The following ABCA13 variants were observed in gnomAD, a reference collection of about 807,000 sequenced individuals.
ABCA13 encodes the protein ATP-binding cassette sub-family A member 13.
A neutral mutation model predicts 478.7 loss-of-function variants in ABCA13; 476 were observed. The ratio of observed to expected loss-of-function variants is 0.99; its 90% CI spans 0.92 to 1.07. ABCA13 has a LOEUF of 1.07. Ranked by LOEUF, ABCA13 falls within the 50% of genes least tolerant of loss-of-function variation. The pLI, the probability that ABCA13 is intolerant of heterozygous loss-of-function variation, is 0.00. For synonymous variants in ABCA13, 2,252 were observed against 2,158.9 expected (o/e 1.04, Z -1.20); for missense variants, 6,060 against 5,910.6 (o/e 1.03, Z -0.83).
At chr7:48,320,788 G>A (rs17661678) in intron 27 of ABCA13, among the ~76,000 whole-genome samples, 2,751 of 152,248 alleles carry the variant, frequency 0.018, 122 homozygotes, top group East Asian at 0.17. Context: ...TCTAAGGGAC[G>A]TATAAGCCCA....
intron 53 of ABCA13, 31 bp from the exon 54 acceptor site, chr7:48,524,217 G>T (rs770219022): frequency 1.5e-5 from 24 of 1,588,202 alleles, no homozygotes; most frequent in Admixed American, 1.7e-5. Flanking sequence ...CATTTGCTAG[G>T]TGTGAATTCA....
intron 59 of ABCA13, among the ~76,000 whole-genome samples, chr7:48,620,674 ATAGT>A (rs1317791507): frequency 2.0e-5 from 3 of 152,174 alleles, no homozygotes; most frequent in African/African-American, 2.4e-5. Flanking sequence ...AGTTACAATA[ATAGT>A]TAGACCAGAT....
chr7:48,413,686 G>T (rs368911572), intron 41 of ABCA13, among the ~76,000 whole-genome samples: 6 of 152,186 alleles, frequency 3.9e-5, no homozygotes, highest in South Asian at 2.1e-4. Context: ...AGGAGGAAAG[G>T]CAATCTTTTG....
chr7:48,225,228 C>A (rs998410146), intron 5 of ABCA13, among the ~76,000 whole-genome samples: 1 of 140,570 alleles, frequency 7.1e-6, no homozygotes, highest in Non-Finnish European at 1.6e-5. Flanking sequence ...TTCCCTCCCT[C>A]CCTCCCTCCC....
chr7:48,539,799 A>T (rs189537587), intron 55 of ABCA13, among the ~76,000 whole-genome samples: 1 of 152,342 alleles, frequency 6.6e-6, no homozygotes, highest in African/African-American at 2.4e-5. Flanking sequence ...CCTTGTGCAG[A>T]AACAGACATG....
chr7:48,576,767 C>G (rs565615866), intron 55 of ABCA13, among the ~76,000 whole-genome samples: 1 of 152,126 alleles, frequency 6.6e-6, no homozygotes, highest in African/African-American at 2.4e-5. Context: ...GAACTAACAC[C>G]ACTGAGACAG....
intron 47 of ABCA13, among the ~76,000 whole-genome samples, chr7:48,487,834 A>G (rs1264876697): frequency 6.6e-6 from 1 of 152,262 alleles, no homozygotes; most frequent in Admixed American, 6.5e-5. Context: ...AAAGGGTGAC[A>G]GTACAGAGTT....
chr7:48,506,798 A>G (rs370740242), intron 49 of ABCA13, among the ~76,000 whole-genome samples: 1 of 152,076 alleles, frequency 6.6e-6, no homozygotes, highest in Non-Finnish European at 1.5e-5. Context: ...CCAGATGGAG[A>G]CATGGGTGGG....
At chr7:48,615,241 T>A (rs1422739147) in intron 58 of ABCA13, 44 bp from the exon 59 acceptor site, 6 of 1,367,630 alleles carry the variant, frequency 4.4e-6, no homozygotes, top group Non-Finnish European at 5.8e-6. Flanking sequence ...AACCCTCCCC[T>A]CTTCAGGAAA....
At chr7:48,505,032 A>T (rs1481863568) in intron 48 of ABCA13, among the ~76,000 whole-genome samples, 2 of 152,210 alleles carry the variant, frequency 1.3e-5, no homozygotes, top group African/African-American at 4.8e-5. Flanking sequence ...TCCAGGATCC[A>T]GGAAGCGATG....
At position 48,349,660 on chromosome 7, in the gene ABCA13, G is replaced by A. The variant is rs191824054; in HGVS notation, c.10205-983G>A. Among the ~76,000 whole-genome samples, 3 of 152,312 alleles carry A rather than the reference G, an allele frequency of 2.0e-5. No homozygotes were observed. In the East Asian group the frequency reaches 5.8e-4, roughly 29 times the overall value. ...ATCTGGGAGCAGGGAAACCAGTAGA[G>A]GAGGGAAGCAAGCATGAGAGGCAGA... On this transcript the variant is annotated intron_variant, in intron 29 of 61. Transcript: ENST00000435803.
At chr7:48,343,329 C>A (rs1414791358) in intron 29 of ABCA13, among the ~76,000 whole-genome samples, 1 of 152,078 alleles carries the variant, frequency 6.6e-6, no homozygotes, top group Non-Finnish European at 1.5e-5. Context: ...TAGACTTCAG[C>A]CTTAGTAGGG....
At chr7:48,414,558 AT>A (rs1263832432) in intron 41 of ABCA13, among the ~76,000 whole-genome samples, 2 of 149,974 alleles carry the variant, frequency 1.3e-5, no homozygotes, top group African/African-American at 4.9e-5. Context: ...ATTACACATA[AT>A]ATACATATGT....
chr7:48,577,218 A>G (rs1235786701), intron 55 of ABCA13, among the ~76,000 whole-genome samples: 2 of 151,976 alleles, frequency 1.3e-5, no homozygotes, highest in African/African-American at 2.4e-5. Context: ...AAGAAAAGAA[A>G]TGATAAAAAT....
intron 35 of ABCA13, among the ~76,000 whole-genome samples, chr7:48,380,876 G>T (rs1225093381): frequency 6.6e-6 from 1 of 152,074 alleles, no homozygotes; most frequent in Non-Finnish European, 1.5e-5. Flanking sequence ...CCTACCACCT[G>T]CTGTACGGGG....
At chr7:48,194,159 G>A (rs373403701) in intron 2 of ABCA13, among the ~76,000 whole-genome samples, 13 of 18 alleles carry the variant, frequency 0.72, 6 homozygotes, top group Non-Finnish European at 0.83. Context: ...TGATAATGAT[G>A]ATGATGATGA....
At chr7:48,307,376 C>T (rs1170452794) in intron 23 of ABCA13, among the ~76,000 whole-genome samples, 2 of 152,046 alleles carry the variant, frequency 1.3e-5, no homozygotes, top group African/African-American at 2.4e-5. Context: ...ACATAGAAAA[C>T]ACAAGAACGT....
At chr7:48,508,156 C>T (rs1831376644) in intron 50 of ABCA13, 107 bp downstream of exon 50, 4 of 1,358,988 alleles carry the variant, frequency 2.9e-6, no homozygotes, top group East Asian at 2.4e-5. Context: ...CTTGGAGTGT[C>T]CACAAAAAGG....
At chr7:48,335,984 AT>A (rs1012795774) in intron 28 of ABCA13, among the ~76,000 whole-genome samples, 23 of 152,296 alleles carry the variant, frequency 1.5e-4, no homozygotes, top group African/African-American at 5.5e-4. Flanking sequence ...TCACCTAATA[AT>A]TTTTTGGGCA....
Sources: gnomAD v4.1 joint callset for allele counts (sites outside exome capture counted in the v4.1 genomes callset) on GRCh38, gnomAD v4.1.1 for gene constraint, MANE v1.5 for transcripts, NCBI Gene and HGNC (gene_info 2026-07-23, HGNC 2026-07-21) for gene names.